The following SPAG16 variants were observed in gnomAD, a reference collection of about 807,000 sequenced individuals.
SPAG16 encodes sperm-associated antigen 16 protein.
Under a neutral mutation model 80.4 loss-of-function variants are expected in SPAG16, and 86 were observed. The ratio of observed to expected loss-of-function variants is 1.07; its 90% CI spans 0.90 to 1.28. SPAG16 has a LOEUF of 1.28. Among genes scored for constraint, SPAG16 ranks in the 50% most tolerant of loss-of-function variants. The pLI, the probability that SPAG16 is intolerant of heterozygous loss-of-function variation, is 0.00. For missense variants in SPAG16, 870 were observed against 765.3 expected, an observed-to-expected ratio of 1.14 and a Z score of -1.61; for synonymous variants, 294 against 265.9, an observed-to-expected ratio of 1.11 and a Z score of -1.03.
chr2:213,719,592 C>G (rs1482075557), intron 10 of SPAG16, among the ~76,000 whole-genome samples: 3 of 152,184 alleles, frequency 2.0e-5, no homozygotes, highest in Non-Finnish European at 1.5e-5. Flanking sequence ...GCTGCCCGAG[C>G]CAGCATTGGC....
At chr2:213,496,202 A>T (rs760181293) in intron 10 of SPAG16, among the ~76,000 whole-genome samples, 2 of 152,202 alleles carry the variant, frequency 1.3e-5, no homozygotes, top group Non-Finnish European at 2.9e-5. Context: ...AGTGATATAG[A>T]GGCTAATGAA....
chr2:214,312,306 C>A (rs546812084), intron 15 of SPAG16, among the ~76,000 whole-genome samples: 1 of 152,314 alleles, frequency 6.6e-6, no homozygotes, highest in South Asian at 2.1e-4. Flanking sequence ...AGTTTATGCA[C>A]TTGAATACCA....
At chr2:213,449,374 C>G (rs2125566935) in intron 9 of SPAG16, among the ~76,000 whole-genome samples, 1 of 152,252 alleles carries the variant, frequency 6.6e-6, no homozygotes, top group Non-Finnish European at 1.5e-5. Flanking sequence ...TTGTTAGACC[C>G]TTATTGGTAG....
At chr2:214,376,560 T>C (rs549230656) in intron 15 of SPAG16, among the ~76,000 whole-genome samples, 2 of 152,248 alleles carry the variant, frequency 1.3e-5, no homozygotes, top group African/African-American at 4.8e-5. Context: ...TTTGACACTA[T>C]ATTTTCTTGA....
At chr2:214,361,273 T>A (rs1358893689) in intron 15 of SPAG16, among the ~76,000 whole-genome samples, 1 of 151,866 alleles carries the variant, frequency 6.6e-6, no homozygotes, top group Non-Finnish European at 1.5e-5. Flanking sequence ...TATTGATCAG[T>A]AAAAGCACTG....
intron 10 of SPAG16, among the ~76,000 whole-genome samples, chr2:213,582,040 C>G (rs975362621): frequency 1.3e-5 from 2 of 152,098 alleles, no homozygotes; most frequent in Non-Finnish European, 2.9e-5. Flanking sequence ...GGAAGAATCT[C>G]ATCCTTAAAT....
intron 10 of SPAG16, among the ~76,000 whole-genome samples, chr2:213,718,261 A>C (rs1448536841): frequency 6.6e-6 from 1 of 152,170 alleles, no homozygotes; most frequent in Non-Finnish European, 1.5e-5. Context: ...AAAAGCTCAT[A>C]ATCACTGGTC....
chr2:213,479,313 C>G (rs1418925563), intron 9 of SPAG16, among the ~76,000 whole-genome samples: 2 of 151,962 alleles, frequency 1.3e-5, no homozygotes, highest in African/African-American at 4.8e-5. Context: ...AAAAATTCTC[C>G]CCATGTACTT....
chr2:213,762,776 A>C (rs1032712456), intron 10 of SPAG16, among the ~76,000 whole-genome samples: 1 of 152,190 alleles, frequency 6.6e-6, no homozygotes, highest in Non-Finnish European at 1.5e-5. Context: ...GGCAGAGATA[A>C]TAAGTCGAAC....
At position 213,326,929 on chromosome 2, in the gene SPAG16, T is replaced by C. The variant is rs529341438; in HGVS notation, c.536+9573T>C. Among the ~76,000 whole-genome samples, 138 of 152,114 alleles carry C rather than the reference T, an allele frequency of 9.1e-4. 1 individual carries two copies. Among genetic ancestry groups the C allele is most frequent in the Non-Finnish European group, 1.7e-3 (117 of 67,856 alleles). ...TTCATATCATATTGAAAATGGAGTT[T>C]TGGGGCAATAATTTTATAGTTCGAT... On this transcript the variant is annotated intron_variant, in intron 5 of 15. Coordinates refer to ENST00000331683, the MANE Select transcript of SPAG16 (RefSeq NM_024532.5).
At chr2:213,722,561 G>A (rs992922995) in intron 10 of SPAG16, among the ~76,000 whole-genome samples, 5 of 152,148 alleles carry the variant, frequency 3.3e-5, no homozygotes, top group Middle Eastern at 3.2e-3. Flanking sequence ...CAAACTATAC[G>A]GCCTTCAGAA....
chr2:214,277,837 T>G (rs1351868997), intron 15 of SPAG16, among the ~76,000 whole-genome samples: 1 of 152,196 alleles, frequency 6.6e-6, no homozygotes, highest in Non-Finnish European at 1.5e-5. Flanking sequence ...ACTGCTCTCT[T>G]CAGAGCTGTC....
chr2:214,207,670 T>C (rs1018895134), intron 15 of SPAG16, among the ~76,000 whole-genome samples: 2 of 152,232 alleles, frequency 1.3e-5, no homozygotes, highest in Non-Finnish European at 2.9e-5. Context: ...GTATTGTTTC[T>C]GGGTGTGTCT....
chr2:214,017,912 G>C lies in SPAG16; in HGVS notation c.1527+3835G>C, dbSNP rs538266435. ...TATATTAATTAATACTAGAAAAAAG[G>C]CTCTAAAATATTTTGGTTTAAATGA... On this transcript the variant is annotated intron_variant, in intron 13 of 15. Coordinates refer to ENST00000331683, the MANE Select transcript of SPAG16 (RefSeq NM_024532.5). Among the ~76,000 whole-genome samples the C allele has an allele frequency of 9.4e-4, 143 of 152,034 alleles. No individual in the cohort carries two copies. In the South Asian group the frequency reaches 0.019, roughly 21 times the overall value.
At chr2:214,348,657 C>T (rs1698209231) in intron 15 of SPAG16, among the ~76,000 whole-genome samples, 1 of 152,152 alleles carries the variant, frequency 6.6e-6, no homozygotes, top group African/African-American at 2.4e-5. Flanking sequence ...GCCTTCCAGC[C>T]ATCCCCAACA....
At chr2:214,197,971 G>A (rs2125712641) in intron 15 of SPAG16, among the ~76,000 whole-genome samples, 1 of 152,084 alleles carries the variant, frequency 6.6e-6, no homozygotes, top group Middle Eastern at 3.4e-3. Context: ...GCCATTGGGT[G>A]AAAATGGCCC....
rs546463171 is a variant in SPAG16 at position 214,359,045 on chromosome 2, ACT to A, written c.1721-51092_1721-51091del. ...TCAGTTATTGAAGGCATAATATAAG[ACT>A]CTGCTGTGTACTATGTATGAGTTAT... is the stretch of plus-strand genomic sequence containing the variant. On this transcript the variant is annotated intron_variant, in intron 15 of 15. Transcript: ENST00000331683. Among the ~76,000 whole-genome samples, 6 of 151,844 alleles carry A rather than the reference ACT, an allele frequency of 4.0e-5. No individual in the cohort carries two copies. The South Asian group carries it at 1.2e-3, about 32-fold the overall frequency.
At position 214,290,635 on chromosome 2, in the gene SPAG16, C is replaced by A. The variant is rs867241962; in HGVS notation, c.1721-119505C>A. 5.9e-5 allele frequency among the ~76,000 whole-genome samples: 9 copies of A among 151,950 alleles called. 1 individual carries two copies. Among genetic ancestry groups the A allele is most frequent in the Middle Eastern group, 6.3e-3 (2 of 316 alleles). On this transcript the variant is annotated intron_variant, in intron 15 of 15. Coordinates refer to ENST00000331683, the MANE Select transcript of SPAG16 (RefSeq NM_024532.5). ...TTCCATCTTAGTTTCTTCATTGGCCCAATGGTTGGTTATCCAGAAGCATGT... is the reference window on the plus strand; with the variant it reads ...TTCCATCTTAGTTTCTTCATTGGCCAAATGGTTGGTTATCCAGAAGCATGT...
chr2:214,336,407 G>C (rs1172647680), intron 15 of SPAG16, among the ~76,000 whole-genome samples: 2 of 152,004 alleles, frequency 1.3e-5, no homozygotes, highest in Non-Finnish European at 2.9e-5. Flanking sequence ...TATAAACAAA[G>C]AATAATTCAA....
Sources: allele counts gnomAD v4.1 joint callset (sites outside exome capture counted in the v4.1 genomes callset), GRCh38; gene constraint gnomAD v4.1.1; transcripts MANE v1.5; gene names NCBI Gene and HGNC (gene_info 2026-07-23, HGNC 2026-07-21).